ICAM1: variants seen among roughly 807,000 people sequenced by gnomAD.
ICAM1 encodes the protein ICAM-1.
In ICAM1, 28 loss-of-function variants were observed where a neutral mutation model predicts 42.3. The ratio of observed to expected loss-of-function variants is 0.66; its 90% CI spans 0.49 to 0.91. The LOEUF (loss-of-function observed/expected upper bound fraction) is 0.91, where lower values mean the gene tolerates loss of function less well. ICAM1 is among the 40% of genes least tolerant of loss of function. The probability of loss-of-function intolerance (pLI) is 0.00; values close to 1 mark genes in which losing one functional copy is unlikely to be tolerated. For synonymous variants in ICAM1, 304 were observed against 305.9 expected (o/e 0.99, Z 0.07); for missense variants, 637 against 688.6 (o/e 0.93, Z 0.84).
At chr19:10,277,999 C>T (rs1220291756) in intron 2 of ICAM1, among the ~76,000 whole-genome samples, 1 of 152,092 alleles carries the variant, frequency 6.6e-6, no homozygotes, top group Non-Finnish European at 1.5e-5. Context: ...AGGAGTTGGA[C>T]ACCAGCCTGG....
chr19:10,276,498 T>C (rs888435232), intron 2 of ICAM1, among the ~76,000 whole-genome samples: 4 of 138,270 alleles, frequency 2.9e-5, no homozygotes, highest in Non-Finnish European at 6.0e-5. Flanking sequence ...TGAGCCAAGA[T>C]CGTGCCACTG....
chr19:10,275,927 C>T (rs2040013553), intron 2 of ICAM1, among the ~76,000 whole-genome samples: 1 of 151,366 alleles, frequency 6.6e-6, no homozygotes, highest in African/African-American at 2.4e-5. Context: ...CCAGGATGGT[C>T]TCAATCTCCT....
At chr19:10,280,661 C>T (rs1418232210) in intron 2 of ICAM1, among the ~76,000 whole-genome samples, 1 of 152,010 alleles carries the variant, frequency 6.6e-6, no homozygotes, top group African/African-American at 2.4e-5. Flanking sequence ...CCTCCGACCC[C>T]CAGGATCAAG....
At chr19:10,273,875 G>A (rs1469539401) in intron 1 of ICAM1, among the ~76,000 whole-genome samples, 1 of 152,024 alleles carries the variant, frequency 6.6e-6, no homozygotes, top group African/African-American at 2.4e-5. Context: ...TTAGCTGGGC[G>A]TGGTGGTGCT....
intron 2 of ICAM1, among the ~76,000 whole-genome samples, chr19:10,279,885 A>G (rs2040043447): frequency 6.7e-6 from 1 of 148,700 alleles, no homozygotes; most frequent in African/African-American, 2.5e-5. Context: ...AAAAAAATTG[A>G]TTGATGGGAG....
rs750681618 is a variant in ICAM1, at chr19:10,271,158, C to T, written c.-2C>T. On this transcript the variant is annotated 5_prime_UTR_variant, in exon 1 of 7. Coordinates refer to ENST00000264832, the MANE Select transcript of ICAM1 (RefSeq NM_000201.3). ...ACTCAGAGTTGCAACCTCAGCCTCG[C>T]TATGGCTCCCAGCAGCCCCCGGCCC... The T allele has an allele frequency of 2.7e-5, 44 of 1,612,552 alleles. No homozygotes were observed. The highest frequency in any genetic ancestry group is 3.6e-5 in the Non-Finnish European group (42 of 1,179,702).
chr19:10,283,818 T>TG, intron 3 of ICAM1, 32 bp downstream of exon 3: 1 of 1,455,224 alleles, frequency 6.9e-7, no homozygotes, highest in Non-Finnish European at 9.4e-7. Context: ...AGGGAGAAGG[T>TG]GGGGGTGGGG....
Position 10,285,432 on chromosome 19 carries a change from T to C in ICAM1, c.*145T>C, listed in dbSNP as rs375919922. The C allele has an allele frequency of 2.1e-5, 15 of 707,742 alleles. No individual in the cohort carries two copies. The East Asian group carries it at 4.1e-4, about 19-fold the overall frequency. The allele number at this position is 707,742 out of a possible 1,614,324, so 43.8% of individuals were successfully genotyped here. A position where few individuals can be genotyped will look rare whatever the true frequency, so the allele number is the denominator to read the frequency against. Reference sequence around the variant, plus strand: ...GGACAGGGCATTGTCCTCAGTCAGATACAACAGCATTTGGGGCCATGGTAC... The same window carrying C: ...GGACAGGGCATTGTCCTCAGTCAGACACAACAGCATTTGGGGCCATGGTAC... On this transcript the variant is annotated 3_prime_UTR_variant, in exon 7 of 7. Transcript: ENST00000264832.
At chr19:10,279,293 C>T (rs1157500071) in intron 2 of ICAM1, among the ~76,000 whole-genome samples, 1 of 151,882 alleles carries the variant, frequency 6.6e-6, no homozygotes, top group African/African-American at 2.4e-5. Flanking sequence ...CCTGTAATCC[C>T]AGTGCTTTGG....
intron 1 of ICAM1, among the ~76,000 whole-genome samples, chr19:10,272,560 CTTTTTT>C (rs1174775027): frequency 7.1e-5 from 4 of 56,132 alleles, no homozygotes; most frequent in African/African-American, 1.7e-4. Context: ...CTTTTCTTTT[CTTTTTT>C]TTTTTTTTTT....
At position 10,275,038 on chromosome 19, in the gene ICAM1, T is replaced by C. The variant is rs765908296; in HGVS notation, c.331+10T>C. ...TTCCTCACCGTGTACTGTGAGTAAC[T>C]GAGCCCGGAGGGCTGGACTAGGCAG... On this transcript the variant is annotated intron_variant, in intron 2 of 6. Coordinates refer to ENST00000264832, the MANE Select transcript of ICAM1 (RefSeq NM_000201.3). The C allele has an allele frequency of 1.2e-6, 2 of 1,612,364 alleles. No homozygotes were observed. The highest frequency in any genetic ancestry group is 8.5e-7 in the Non-Finnish European group (1 of 1,179,742).
chr19:10,275,180 C>G, intron 2 of ICAM1, 152 bp downstream of exon 2: 1 of 781,770 alleles, frequency 1.3e-6, no homozygotes, highest in Non-Finnish European at 2.1e-6. Flanking sequence ...CTTGGAAAGT[C>G]CCTTTGTGAA....
intron 2 of ICAM1, among the ~76,000 whole-genome samples, chr19:10,280,003 T>C (rs2040044271): frequency 6.6e-6 from 1 of 152,174 alleles, no homozygotes; most frequent in Non-Finnish European, 1.5e-5. Flanking sequence ...AGGGATTAGA[T>C]AGCTGAAGGC....
At chr19:10,280,592 G>T (rs993642987) in intron 2 of ICAM1, among the ~76,000 whole-genome samples, 1 of 151,088 alleles carries the variant, frequency 6.6e-6, no homozygotes, top group East Asian at 1.9e-4. Context: ...GTTTGAGACC[G>T]GAGTTTCGCT....
At chr19:10,271,340 G>A (rs1007404311) in intron 1 of ICAM1, 114 bp downstream of exon 1, 6 of 878,978 alleles carry the variant, frequency 6.8e-6, no homozygotes, top group South Asian at 1.7e-5. Flanking sequence ...AGGGGCTAGA[G>A]ACAGCGATTG....
chr19:10,283,654 G>GTCACGACCACGGTGCTGGTGAGGAGAGA lies in ICAM1; in HGVS notation c.510_537dup (p.His180AspfsTer19). The GTCACGACCACGGTGCTGGTGAGGAGAGA allele has an allele frequency of 6.2e-7, 1 of 1,613,876 alleles. No homozygotes were observed. The highest frequency in any genetic ancestry group is 1.1e-5 in the South Asian group (1 of 91,072). ...GCCAGCTGTGGGGGAGCCCGCTGAG[G>GTCACGACCACGGTGCTGGTGAGGAGAGA]TCACGACCACGGTGCTGGTGAGGAG... On this transcript the variant is annotated frameshift_variant, in exon 3 of 7. Coordinates refer to ENST00000264832, the MANE Select transcript of ICAM1 (RefSeq NM_000201.3). LOFTEE classifies it high-confidence loss of function.
In ICAM1 at chr19:10,283,652, A is replaced by G; in HGVS notation, c.503A>G (p.Glu168Gly). ...KREPAVGEPA[E>G]VTTTVLVRRD... is the part of the protein sequence containing the mutation. ...GAGCCAGCTGTGGGGGAGCCCGCTG[A>G]GGTCACGACCACGGTGCTGGTGAGG... The change falls in exon 3 of 7, where the codon GAG becomes GGG. Residue 168 changes from glutamate to glycine, a missense_variant. Coordinates refer to ENST00000264832, the MANE Select transcript of ICAM1 (RefSeq NM_000201.3). 6.2e-7 allele frequency: 1 copy of G among 1,613,936 alleles called. No individual in the cohort carries two copies. The highest frequency in any genetic ancestry group is 8.5e-7 in the Non-Finnish European group (1 of 1,179,930).
intron 2 of ICAM1, among the ~76,000 whole-genome samples, chr19:10,275,697 G>GTTTC (rs763058768): frequency 7.0e-6 from 1 of 141,850 alleles, no homozygotes; most frequent in Non-Finnish European, 1.5e-5. Flanking sequence ...GTGAGACCCT[G>GTTTC]TTTCTTTCTT....
intron 2 of ICAM1, among the ~76,000 whole-genome samples, chr19:10,280,513 G>C (rs972349420): frequency 2.0e-5 from 3 of 151,474 alleles, no homozygotes; most frequent in South Asian, 4.2e-4. Context: ...GAGTAGCAGG[G>C]ACTACAGGTG....
Sources: allele counts gnomAD v4.1 joint callset (sites outside exome capture counted in the v4.1 genomes callset), GRCh38; gene constraint gnomAD v4.1.1; transcripts MANE v1.5; gene names NCBI Gene and HGNC (gene_info 2026-07-23, HGNC 2026-07-21).